LMX1B: variants seen among roughly 807,000 people sequenced by gnomAD.
The protein encoded by LMX1B is LIM homeobox transcription factor 1-beta.
In LMX1B, 12 loss-of-function variants were observed where a neutral mutation model predicts 51.4. The ratio of observed to expected loss-of-function variants is 0.23; its 90% CI spans 0.15 to 0.38. The LOEUF is 0.38. LMX1B is among the 10% of genes least tolerant of loss of function. The pLI is 1.00. For synonymous variants in LMX1B, 237 were observed against 235.4 expected, an observed-to-expected ratio of 1.01 and a Z score of -0.06; for missense variants, 445 against 571.1, an observed-to-expected ratio of 0.78 and a Z score of 2.25.
At chr9:126,645,152 G>A (rs567805409) in intron 2 of LMX1B, among the ~76,000 whole-genome samples, 2 of 152,178 alleles carry the variant, frequency 1.3e-5, no homozygotes, top group Non-Finnish European at 2.9e-5. Context: ...AGGTCCATGT[G>A]GAAGACCATC....
intron 3 of LMX1B, among the ~76,000 whole-genome samples, chr9:126,692,906 G>A (rs551642337): frequency 5.3e-5 from 8 of 152,378 alleles, no homozygotes; most frequent in East Asian, 3.9e-4. Context: ...GGAGTGAGGC[G>A]TGTGTGCCGG....
intron 2 of LMX1B, among the ~76,000 whole-genome samples, chr9:126,620,203 C>T (rs542188373): frequency 2.6e-5 from 4 of 152,276 alleles, no homozygotes; most frequent in South Asian, 2.1e-4. Context: ...ATGAGGAGCA[C>T]CCTGGGGAAG....
chr9:126,693,057 C>T (rs1181494047), intron 3 of LMX1B, 85 bp from the exon 4 acceptor site: 25 of 1,384,030 alleles, frequency 1.8e-5, no homozygotes, highest in Middle Eastern at 2.5e-4. Flanking sequence ...AGGCTCCCAT[C>T]GGGCAGCAGG....
chr9:126,614,867 G>A (rs1463263978), intron 1 of LMX1B, among the ~76,000 whole-genome samples: 1 of 152,118 alleles, frequency 6.6e-6, no homozygotes, highest in African/African-American at 2.4e-5. Flanking sequence ...GGGTGGCAGG[G>A]GTGATGGAGG....
intron 2 of LMX1B, among the ~76,000 whole-genome samples, chr9:126,639,073 A>T (rs973244095): frequency 1.3e-5 from 2 of 148,426 alleles, no homozygotes; most frequent in Admixed American, 1.3e-4. Context: ...TGGGAAGGAG[A>T]ATTGGAGAGG....
rs114270941 is a variant in LMX1B, at chr9:126,642,650, G to A, written c.326+27081G>A. Among the ~76,000 whole-genome samples, 375 of 152,348 alleles carry A rather than the reference G, an allele frequency of 2.5e-3. 2 individuals carry two copies. The highest frequency in any genetic ancestry group is 8.7e-3 in the African/African-American group (361 of 41,572). On this transcript the variant is annotated intron_variant, in intron 2 of 7. Transcript: ENST00000373474. Reference sequence around the variant, plus strand: ...CTCACTGCATGGGTGTTCCCGGAGGGTGGGTCTCTACTGCCATAATATAGA... The same window carrying A: ...CTCACTGCATGGGTGTTCCCGGAGGATGGGTCTCTACTGCCATAATATAGA...
chr9:126,672,591 G>C (rs1836477893), intron 2 of LMX1B, among the ~76,000 whole-genome samples: 1 of 152,224 alleles, frequency 6.6e-6, no homozygotes, highest in South Asian at 2.1e-4. Flanking sequence ...AGCCTGGAAG[G>C]GGGTTGTTAG....
rs898299554 is a variant in LMX1B at position 126,615,042 on chromosome 9, C to T, written c.140-341C>T. ...GTGGGGCGTGTCAGCCAGCGAGCGC[C>T]CCAGCCTCACCTCGCCTGTCTTGGT... is the stretch of plus-strand genomic sequence containing the variant. On this transcript the variant is annotated intron_variant, in intron 1 of 7. Coordinates refer to ENST00000373474, the MANE Select transcript of LMX1B (RefSeq NM_001174147.2). This position sits in a 1 kb window ranked among gnomAD's most constrained non-coding sequence, Gnocchi z 6.0. Among the ~76,000 whole-genome samples, 2 of 152,158 alleles carry T rather than the reference C, an allele frequency of 1.3e-5. No individual in the cohort carries two copies. The highest frequency in any genetic ancestry group is 4.8e-5 in the African/African-American group (2 of 41,454).
chr9:126,655,379 G>A (rs976715953), intron 2 of LMX1B, among the ~76,000 whole-genome samples: 10 of 152,296 alleles, frequency 6.6e-5, no homozygotes, highest in Non-Finnish European at 1.3e-4. Flanking sequence ...TGCCGGTGGG[G>A]GTGAGGGAGC....
chr9:126,643,144 G>T (rs1355631837), intron 2 of LMX1B, among the ~76,000 whole-genome samples: 1 of 152,182 alleles, frequency 6.6e-6, no homozygotes, highest in Non-Finnish European at 1.5e-5. Context: ...TGACTTGTGT[G>T]CACAGCTGGG....
At chr9:126,624,804 G>A (rs983943397) in intron 2 of LMX1B, among the ~76,000 whole-genome samples, 1 of 151,982 alleles carries the variant, frequency 6.6e-6, no homozygotes, top group African/African-American at 2.4e-5. Context: ...CCTAAACCCC[G>A]TTTTTCTCCC....
intron 1 of LMX1B, 71 bp downstream of exon 1, chr9:126,614,659 G>T: frequency 7.0e-7 from 1 of 1,425,418 alleles, no homozygotes; most frequent in Non-Finnish European, 9.3e-7. Flanking sequence ...GTGGACACGG[G>T]CGTTGGGGCC....
chr9:126,648,545 C>T (rs563831645), intron 2 of LMX1B, among the ~76,000 whole-genome samples: 95 of 152,282 alleles, frequency 6.2e-4, no homozygotes, highest in Non-Finnish European at 1.1e-3. Flanking sequence ...TTTTCTCATC[C>T]GTAAAATGGT....
intron 2 of LMX1B, among the ~76,000 whole-genome samples, chr9:126,685,852 T>G (rs4339739): frequency 0.45 from 68,954 of 151,802 alleles, 15,950 homozygotes; most frequent in East Asian, 0.54. Flanking sequence ...TGGACAGATG[T>G]GGACAGAGGC....
In LMX1B at chr9:126,643,805, C is replaced by T. The variant is rs76885995; in HGVS notation, c.326+28236C>T. Among the ~76,000 whole-genome samples the T allele has an allele frequency of 5.3e-3, 802 of 152,274 alleles. 8 individuals are homozygous for T. Among genetic ancestry groups the T allele is most frequent in the African/African-American group, 0.018 (742 of 41,538 alleles). ...CTGGGGTCTTGAAAAGGAATTAACT[C>T]GAATCAATACTGTATAACCTTTATG... On this transcript the variant is annotated intron_variant, in intron 2 of 7. Coordinates refer to ENST00000373474, the MANE Select transcript of LMX1B (RefSeq NM_001174147.2).
intron 2 of LMX1B, among the ~76,000 whole-genome samples, chr9:126,679,064 C>T (rs559123943): frequency 1.2e-4 from 18 of 152,238 alleles, no homozygotes; most frequent in African/African-American, 3.4e-4. Flanking sequence ...TCTGACACTC[C>T]GCTCGCATGG....
chr9:126,657,915 T>C (rs1836150913), intron 2 of LMX1B, among the ~76,000 whole-genome samples: 1 of 152,076 alleles, frequency 6.6e-6, no homozygotes. Flanking sequence ...CACAGTCCTT[T>C]GTCTGGCCAG....
intron 2 of LMX1B, among the ~76,000 whole-genome samples, chr9:126,687,867 G>A (rs2029965105): frequency 6.6e-6 from 1 of 152,158 alleles, no homozygotes; most frequent in South Asian, 2.1e-4. Context: ...CGTGGTGGGA[G>A]GCACGAAGAG....
At position 126,699,884 on chromosome 9, in the gene LMX1B, T is replaced by G. The variant is rs1386152042; in HGVS notation, c.*3433T>G. The G allele has an allele frequency of 1.3e-5, 2 of 152,246 alleles. No individual in the cohort carries two copies. The highest frequency in any genetic ancestry group is 2.4e-5 in the African/African-American group (1 of 41,432). The allele number at this position is 152,246 out of a possible 1,614,324, so 9.4% of individuals were successfully genotyped here. On this transcript the variant is annotated 3_prime_UTR_variant, in exon 8 of 8. Transcript: ENST00000373474. The stretch of plus-strand genomic sequence containing the variant: ...AGTAGCCAGGACCACCCCTTGCCCG[T>G]GCCGTGACATGGAACCTTCATCACT...
Sources: allele counts gnomAD v4.1 joint callset (sites outside exome capture counted in the v4.1 genomes callset), GRCh38; gene constraint gnomAD v4.1.1; non-coding constraint Gnocchi (gnomAD v3.1); transcripts MANE v1.5; gene names NCBI Gene and HGNC (gene_info 2026-07-23, HGNC 2026-07-21).